The following TBC1D22A variants were observed in gnomAD, a reference collection of about 807,000 sequenced individuals.
The protein encoded by TBC1D22A is TBC1 domain family member 22A, also known as putative GTPase activator.
In TBC1D22A, 38 loss-of-function variants were observed where a neutral mutation model predicts 60.2. The ratio of observed to expected loss-of-function variants is 0.63; its 90% CI spans 0.49 to 0.83. The LOEUF (loss-of-function observed/expected upper bound fraction) is 0.83. TBC1D22A is among the 40% of genes least tolerant of loss of function. The pLI is 0.00. For missense variants in TBC1D22A, 628 were observed against 701.0 expected (o/e 0.90, Z 1.18); for synonymous variants, 302 against 281.7 (o/e 1.07, Z -0.72).
intron 8 of TBC1D22A, among the ~76,000 whole-genome samples, chr22:46,971,268 G>A (rs2074048566): frequency 1.3e-5 from 2 of 152,282 alleles, no homozygotes; most frequent in Non-Finnish European, 2.9e-5. Flanking sequence ...CTCACGCGGC[G>A]CCTGGCTCTG....
intron 3 of TBC1D22A, among the ~76,000 whole-genome samples, chr22:46,794,408 T>C (rs1353473425): frequency 6.6e-6 from 1 of 152,134 alleles, no homozygotes; most frequent in Non-Finnish European, 1.5e-5. Context: ...TCGTGTCTGG[T>C]GCCATGTGCA....
chr22:47,148,483 A>G (rs979198305), intron 12 of TBC1D22A, among the ~76,000 whole-genome samples: 6 of 152,056 alleles, frequency 3.9e-5, no homozygotes, highest in Non-Finnish European at 5.9e-5. Context: ...CCCACTCGGA[A>G]TCGCTTGAGA....
chr22:46,916,030 C>T (rs916363279), intron 8 of TBC1D22A: 1 of 449,046 alleles, frequency 2.2e-6, no homozygotes, highest in South Asian at 1.7e-5. Flanking sequence ...TACCCGAGGA[C>T]AGATCATCCC....
chr22:47,105,125 CAG>C (rs2065585696), intron 11 of TBC1D22A, among the ~76,000 whole-genome samples: 1 of 151,954 alleles, frequency 6.6e-6, no homozygotes, highest in South Asian at 2.1e-4. Context: ...AAATATTTTA[CAG>C]AGTTTGATTC....
chr22:47,052,905 G>A (rs1020794069), intron 11 of TBC1D22A, among the ~76,000 whole-genome samples: 5 of 152,222 alleles, frequency 3.3e-5, no homozygotes, highest in East Asian at 1.9e-4. Context: ...CGGTATCCCC[G>A]TGTTGATGGT....
At chr22:47,115,709 T>C (rs948912803) in intron 12 of TBC1D22A, 2 of 152,322 alleles carry the variant, frequency 1.3e-5, no homozygotes, top group Non-Finnish European at 2.9e-5. Context: ...CCCCTGCTGA[T>C]TGGGCCTGCA....
intron 4 of TBC1D22A, among the ~76,000 whole-genome samples, chr22:46,857,312 C>T (rs973715165): frequency 5.3e-5 from 8 of 152,222 alleles, no homozygotes; most frequent in African/African-American, 1.2e-4. Flanking sequence ...ATCTCTGCTG[C>T]CCCTGGGTGG....
intron 5 of TBC1D22A, among the ~76,000 whole-genome samples, chr22:46,879,303 G>C (rs965965415): frequency 1.1e-4 from 12 of 106,936 alleles, no homozygotes; most frequent in Non-Finnish European, 2.4e-4. Context: ...GAAAGGTTGG[G>C]GTAGGCGGTG....
intron 8 of TBC1D22A, among the ~76,000 whole-genome samples, chr22:46,939,964 C>T (rs2071885275): frequency 1.3e-5 from 2 of 152,176 alleles, no homozygotes; most frequent in Admixed American, 1.3e-4. Context: ...GGATATTGCC[C>T]ATTTTAGATC....
intron 8 of TBC1D22A, among the ~76,000 whole-genome samples, chr22:46,927,904 A>C (rs1374995643): frequency 6.6e-6 from 1 of 152,202 alleles, no homozygotes; most frequent in Non-Finnish European, 1.5e-5. Context: ...ACTACAAAAT[A>C]TTGTTGAAAT....
In TBC1D22A at chr22:46,797,377, C is replaced by G. The variant is rs540939221; in HGVS notation, c.461-67C>G. Reference sequence around the variant, plus strand: ...CAGCATTCACAAAGGGACAGTGGCACAGCAAGGAGGAACGTGTAGTCGGGA... The same window carrying G: ...CAGCATTCACAAAGGGACAGTGGCAGAGCAAGGAGGAACGTGTAGTCGGGA... On this transcript the variant is annotated intron_variant, in intron 3 of 12. Coordinates refer to ENST00000337137, the MANE Select transcript of TBC1D22A (RefSeq NM_014346.5). 1.0e-5 allele frequency: 16 copies of G among 1,575,838 alleles called. No homozygotes were observed. The African/African-American group carries it at 1.6e-4, about 16-fold the overall frequency.
chr22:47,070,022 T>C (rs955164703), intron 11 of TBC1D22A, among the ~76,000 whole-genome samples: 12 of 138,986 alleles, frequency 8.6e-5, no homozygotes, highest in Non-Finnish European at 1.4e-4. Context: ...CCCTGTTGTT[T>C]GGTTGGAGCG....
At chr22:46,898,983 G>A (rs191301491) in intron 7 of TBC1D22A, among the ~76,000 whole-genome samples, 199 of 152,266 alleles carry the variant, frequency 1.3e-3, no homozygotes, top group African/African-American at 4.6e-3. Flanking sequence ...TCCTCTCCAG[G>A]TCCCAGTTCA....
At chr22:46,848,542 A>C (rs995555417) in intron 4 of TBC1D22A, among the ~76,000 whole-genome samples, 1 of 152,220 alleles carries the variant, frequency 6.6e-6, no homozygotes, top group African/African-American at 2.4e-5. Flanking sequence ...GAGTCGACCA[A>C]CCGTTTGCAG....
At chr22:46,903,368 A>G (rs972718280) in intron 7 of TBC1D22A, among the ~76,000 whole-genome samples, 2 of 152,198 alleles carry the variant, frequency 1.3e-5, no homozygotes, top group African/African-American at 4.8e-5. Flanking sequence ...GCATGGAGCC[A>G]GCCTGTTTGC....
chr22:46,785,611 C>T (rs1371662351), intron 1 of TBC1D22A, among the ~76,000 whole-genome samples: 1 of 152,164 alleles, frequency 6.6e-6, no homozygotes, highest in East Asian at 1.9e-4. Context: ...TGCCTTCCTC[C>T]CTGTTCTAGT....
At chr22:47,087,471 A>C (rs79551508) in intron 11 of TBC1D22A, among the ~76,000 whole-genome samples, 1,715 of 152,370 alleles carry the variant, frequency 0.011, 29 homozygotes, top group African/African-American at 0.039. Flanking sequence ...TTAATCACAC[A>C]GAGAAAAATG....
chr22:47,007,166 A>G (rs2061620565), intron 10 of TBC1D22A, among the ~76,000 whole-genome samples: 1 of 152,158 alleles, frequency 6.6e-6, no homozygotes, highest in African/African-American at 2.4e-5. Flanking sequence ...CAGGGGTCCC[A>G]AAGCTCCTGG....
intron 12 of TBC1D22A, chr22:47,116,052 C>A (rs866557911): frequency 6.6e-6 from 1 of 152,272 alleles, no homozygotes; most frequent in Non-Finnish European, 1.5e-5. Flanking sequence ...TGCTAAACGC[C>A]CTGCAGGCCG....
Sources: allele counts gnomAD v4.1 joint callset (sites outside exome capture counted in the v4.1 genomes callset), GRCh38; gene constraint gnomAD v4.1.1; transcripts MANE v1.5; gene names NCBI Gene and HGNC (gene_info 2026-07-23, HGNC 2026-07-21).